LPO: variants seen among roughly 807,000 people sequenced by gnomAD.
LPO encodes the protein lactoperoxidase, also known as salivary peroxidase.
A neutral mutation model predicts 68.4 loss-of-function variants in LPO; 70 were observed. That is an observed-to-expected ratio of 1.02 (90% confidence interval 0.84 to 1.25). The LOEUF is 1.25. LPO is among the 50% of genes most tolerant of loss of function. The probability of loss-of-function intolerance (pLI) is 0.00; values close to 1 mark genes in which losing one functional copy is unlikely to be tolerated. For missense variants in LPO, 873 were observed against 908.4 expected, an observed-to-expected ratio of 0.96 and a Z score of 0.50; for synonymous variants, 360 against 357.6, an observed-to-expected ratio of 1.01 and a Z score of -0.08.
intron 4 of LPO, among the ~76,000 whole-genome samples, chr17:58,248,087 G>C (rs969400813): frequency 6.6e-6 from 1 of 152,170 alleles, no homozygotes; most frequent in Non-Finnish European, 1.5e-5. Flanking sequence ...CGTGTTCTGG[G>C]TAAGATGGAG....
intron 1 of LPO, among the ~76,000 whole-genome samples, chr17:58,239,007 A>G (rs1030763788): frequency 6.6e-6 from 1 of 152,104 alleles, no homozygotes. Context: ...GCTGGAAGGT[A>G]CCATAGACCT....
chr17:58,254,774 T>G (rs1199070102), intron 8 of LPO, 37 bp from the exon 9 acceptor site: 3 of 1,610,248 alleles, frequency 1.9e-6, no homozygotes, highest in Non-Finnish European at 2.5e-6. Context: ...CTGGGGCTGT[T>G]AGGGAGAATC....
chr17:58,249,539 G>T, intron 5 of LPO, 27 bp from the exon 6 acceptor site: 2 of 1,600,174 alleles, frequency 1.2e-6, no homozygotes, highest in Non-Finnish European at 1.7e-6. Context: ...GCCTGCCGAA[G>T]CTCAGCGAGG....
At chr17:58,246,610 T>C (rs957392590) in intron 3 of LPO, among the ~76,000 whole-genome samples, 7 of 152,252 alleles carry the variant, frequency 4.6e-5, no homozygotes, top group East Asian at 1.9e-4. Flanking sequence ...ATCTGGAACC[T>C]TGGATGGGAC....
At position 58,250,635 on chromosome 17, in the gene LPO, G is replaced by T. The variant is rs1296836534; in HGVS notation, c.780+14G>T. 1 of 1,613,046 alleles carries T rather than the reference G, an allele frequency of 6.2e-7. No individual in the cohort carries two copies. The highest frequency in any genetic ancestry group is 8.5e-7 in the Non-Finnish European group (1 of 1,179,366). On this transcript the variant is annotated intron_variant, in intron 7 of 12. Coordinates refer to ENST00000262290, the MANE Select transcript of LPO (RefSeq NM_006151.3). ...TTCCCCATCATGGTACGGCCCTGCA[G>T]CTAGGCATCTCTGACTAGCCCCTTG...
At position 58,247,463 on chromosome 17, in the gene LPO, C is replaced by A. The variant is rs780636749; in HGVS notation, c.165-15C>A. 2 of 1,567,672 alleles carry A rather than the reference C, an allele frequency of 1.3e-6. No individual in the cohort carries two copies. The highest frequency in any genetic ancestry group is 2.2e-5 in the South Asian group (2 of 90,016). ...ACAGGGTCCAGGCCATGATCCCCAT[C>A]TCCCTCCACTGTAGGCTGAAGACCG... On this transcript the variant is annotated splice_polypyrimidine_tract_variant and intron_variant, in intron 3 of 12. Coordinates refer to ENST00000262290, the MANE Select transcript of LPO (RefSeq NM_006151.3).
intron 3 of LPO, 49 bp downstream of exon 3, chr17:58,244,130 C>CA (rs757278468): frequency 7.5e-5 from 95 of 1,271,614 alleles, no homozygotes; most frequent in Admixed American, 1.5e-4. Flanking sequence ...CACACACACA[C>CA]ACTTCCCTTC....
chr17:58,244,019 C>A lies in LPO; in HGVS notation c.102C>A (p.Ile34=). 1.2e-6 allele frequency: 2 copies of A among 1,613,890 alleles called. No individual in the cohort carries two copies. Among genetic ancestry groups the A allele is most frequent in the Non-Finnish European group, 1.7e-6 (2 of 1,179,972 alleles). ...CGCAGACTACCAGAACCTCTGCCAT[C>A]TCCGATACTGTGAGTCAGGCCAAGG... The part of the protein sequence containing the change: ...TRAQTTRTSA[I]SDTVSQAKVQ... Residue 34 remains isoleucine (I), a synonymous_variant, in exon 3 of 13, where the codon ATC becomes ATA. Coordinates refer to ENST00000262290, the MANE Select transcript of LPO (RefSeq NM_006151.3).
rs1970315620 is a variant in LPO at position 58,268,321 on chromosome 17, A to G, written c.*327A>G. ...CCTTTATCTTTCTTCCTGTCCTCTCACCTAGATTGTAAGCTCCCTGGGCCA... is the reference window on the plus strand; with the variant it reads ...CCTTTATCTTTCTTCCTGTCCTCTCGCCTAGATTGTAAGCTCCCTGGGCCA... On this transcript the variant is annotated 3_prime_UTR_variant, in exon 13 of 13. Coordinates refer to ENST00000262290, the MANE Select transcript of LPO (RefSeq NM_006151.3). 3 of 324,280 alleles carry G rather than the reference A, an allele frequency of 9.3e-6. No individual in the cohort carries two copies. The highest frequency in any genetic ancestry group is 2.2e-5 in the African/African-American group (1 of 46,418). 20.1% of individuals were successfully genotyped at this position (324,280 alleles called of 1,614,324 possible). A position where few individuals can be genotyped will look rare whatever the true frequency, so the allele number is the denominator to read the frequency against.
At chr17:58,239,998 A>G (rs527513388) in intron 1 of LPO, among the ~76,000 whole-genome samples, 2 of 152,298 alleles carry the variant, frequency 1.3e-5, no homozygotes, top group Admixed American at 6.5e-5. Context: ...TGGGAAAACA[A>G]ATAAATAAGA....
chr17:58,250,351 T>G (rs1002291068), intron 6 of LPO, 64 bp from the exon 7 acceptor site: 18 of 1,263,076 alleles, frequency 1.4e-5, no homozygotes, highest in Non-Finnish European at 2.0e-5. Flanking sequence ...AAGCTGTAGT[T>G]GCATCTGAAT....
At chr17:58,264,575 G>T in intron 9 of LPO, 147 bp from the exon 10 acceptor site, 4 of 726,916 alleles carry the variant, frequency 5.5e-6, no homozygotes, top group Non-Finnish European at 9.3e-6. Flanking sequence ...ATGCTCATAG[G>T]AATGGGAACT....
At chr17:58,259,795 G>T (rs1167881501) in intron 9 of LPO, among the ~76,000 whole-genome samples, 1 of 152,134 alleles carries the variant, frequency 6.6e-6, no homozygotes, top group East Asian at 1.9e-4. Context: ...TGTTTTGTTA[G>T]ATTTATACCT....
intron 9 of LPO, among the ~76,000 whole-genome samples, chr17:58,261,548 A>G (rs1422172583): frequency 6.6e-6 from 1 of 152,088 alleles, no homozygotes; most frequent in Non-Finnish European, 1.5e-5. Flanking sequence ...TCACTTAAAA[A>G]AAAAAAGGAA....
chr17:58,252,416 C>T lies in LPO; in HGVS notation c.1015C>T (p.His339Tyr). ...LMAVNQEVSDHGLPYLPYDSK... is the reference protein window; with the variant it reads ...LMAVNQEVSDYGLPYLPYDSK... Reference sequence around the variant, plus strand: ...GGCTGTCAACCAGGAGGTCTCAGACCATGGACTACCCTACCTGCCCTATGA... The same window carrying T: ...GGCTGTCAACCAGGAGGTCTCAGACTATGGACTACCCTACCTGCCCTATGA... The change falls in exon 8 of 13, where the codon CAT becomes TAT. Residue 339 changes from histidine to tyrosine, a missense_variant. Transcript: ENST00000262290. 6.2e-7 allele frequency: 1 copy of T among 1,614,158 alleles called. No individual in the cohort carries two copies. Among genetic ancestry groups the T allele is most frequent in the East Asian group, 2.2e-5 (1 of 44,876 alleles).
At position 58,268,000 on chromosome 17, in the gene LPO, C is replaced by T. The variant is rs1016361507; in HGVS notation, c.*6C>T. 6.2e-6 allele frequency: 10 copies of T among 1,612,744 alleles called. 1 individual carries two copies. Among genetic ancestry groups the T allele is most frequent in the South Asian group, 2.2e-5 (2 of 91,028 alleles). On this transcript the variant is annotated 3_prime_UTR_variant, in exon 13 of 13. Coordinates refer to ENST00000262290, the MANE Select transcript of LPO (RefSeq NM_006151.3). ...GGGCCTCAGTGAAGAATTAGGGGCCCGCGCTGCACAGGAAAGTTCCCTTTG... is the reference window on the plus strand; with the variant it reads ...GGGCCTCAGTGAAGAATTAGGGGCCTGCGCTGCACAGGAAAGTTCCCTTTG...
chr17:58,250,031 C>G (rs1269831793), intron 6 of LPO, among the ~76,000 whole-genome samples: 1 of 152,122 alleles, frequency 6.6e-6, no homozygotes, highest in East Asian at 1.9e-4. Flanking sequence ...TTGGCCTTAT[C>G]GAGCTGGCAG....
At chr17:58,239,849 T>C (rs1969721910) in intron 1 of LPO, among the ~76,000 whole-genome samples, 1 of 152,134 alleles carries the variant, frequency 6.6e-6, no homozygotes, top group Non-Finnish European at 1.5e-5. Flanking sequence ...AGTAGGCACA[T>C]TACAGTGTGA....
At chr17:58,267,637 G>C in intron 12 of LPO, 51 bp downstream of exon 12, 3 of 1,537,806 alleles carry the variant, frequency 2.0e-6, no homozygotes, top group Non-Finnish European at 2.7e-6. Context: ...TCTCCAAGAG[G>C]GGTGTCCCAA....
Sources: allele counts gnomAD v4.1 joint callset (sites outside exome capture counted in the v4.1 genomes callset), GRCh38; gene constraint gnomAD v4.1.1; transcripts MANE v1.5; gene names NCBI Gene and HGNC (gene_info 2026-07-23, HGNC 2026-07-21).